IGSF10: variants seen among roughly 807,000 people sequenced by gnomAD.
IGSF10 encodes calvaria mechanical force protein 608.
Under a neutral mutation model 128.2 loss-of-function variants are expected in IGSF10, and 126 were observed. That is an observed-to-expected ratio of 0.98 (90% CI 0.85 to 1.14). IGSF10 has a LOEUF of 1.14. Ranked by LOEUF, IGSF10 falls within the 50% of genes most tolerant of loss-of-function variation. The probability of loss-of-function intolerance (pLI) is 0.00; values close to 1 mark genes in which losing one functional copy is unlikely to be tolerated. For synonymous variants in IGSF10, 1,185 were observed against 1,146.2 expected, an observed-to-expected ratio of 1.03 and a Z score of -0.68; for missense variants, 3,295 against 3,149.8, an observed-to-expected ratio of 1.05 and a Z score of -1.10.
the IGSF10 span, among the ~76,000 whole-genome samples, chr3:151,536,987 G>A: frequency 6.6e-6 from 1 of 152,170 alleles, no homozygotes; most frequent in Non-Finnish European, 1.5e-5. Context: ...CCCAATAAGA[G>A]TGAGATCCCC....
At chr3:151,567,886 C>G in the IGSF10 span, among the ~76,000 whole-genome samples, 9 of 152,320 alleles carry the variant, frequency 5.9e-5, no homozygotes, top group East Asian at 1.7e-3. Flanking sequence ...AGCGACTTCC[C>G]TGCATTGCTG....
chr3:151,501,411 G>C, the IGSF10 span, among the ~76,000 whole-genome samples: 2 of 151,476 alleles, frequency 1.3e-5, no homozygotes, highest in Non-Finnish European at 2.9e-5. Flanking sequence ...ATTAGAAAAA[G>C]GACAATATAT....
In IGSF10 at chr3:151,447,881, T is replaced by C; in HGVS notation, c.2100A>G (p.Thr700=). 6.2e-7 allele frequency: 1 copy of C among 1,614,096 alleles called. No individual in the cohort carries two copies. The highest frequency in any genetic ancestry group is 8.5e-7 in the Non-Finnish European group (1 of 1,180,008). The change falls in exon 6 of 8, where the codon ACA becomes ACG. Residue 700 remains threonine (T), a synonymous_variant. Transcript: ENST00000282466. ...CAACCTCAGCCTCCATCAGAGCAGA[T>C]GTACGGAGTTGTGCACCTGGTGGCT... ...LKEPPGAQLR[T]SALMEAEVGK... is the part of the protein sequence containing the mutation.
At chr3:151,479,477 T>C in the IGSF10 span, among the ~76,000 whole-genome samples, 1 of 152,210 alleles carries the variant, frequency 6.6e-6, no homozygotes, top group Non-Finnish European at 1.5e-5. Context: ...TGATGGACAA[T>C]GAACAGTGAG....
the IGSF10 span, among the ~76,000 whole-genome samples, chr3:151,517,237 C>T: frequency 6.3e-4 from 96 of 152,092 alleles, no homozygotes; most frequent in African/African-American, 2.2e-3. Context: ...CAGCTGCTAG[C>T]CCTTCTTGTT....
At chr3:151,534,928 C>G in the IGSF10 span, among the ~76,000 whole-genome samples, 172 of 151,784 alleles carry the variant, frequency 1.1e-3, no homozygotes, top group Non-Finnish European at 2.1e-3. Flanking sequence ...TGTTCTGTCA[C>G]AGTAGTTACA....
chr3:151,565,620 TG>T, the IGSF10 span, among the ~76,000 whole-genome samples: 1 of 152,086 alleles, frequency 6.6e-6, no homozygotes, highest in Non-Finnish European at 1.5e-5. Context: ...CAGACTCACC[TG>T]GGGGAAGTTA....
At chr3:151,459,044 T>C (rs896869795) in intron 2 of IGSF10, among the ~76,000 whole-genome samples, 2 of 152,228 alleles carry the variant, frequency 1.3e-5, no homozygotes, top group Non-Finnish European at 2.9e-5. Context: ...CTAAAATATA[T>C]AGAATTTAGT....
the IGSF10 span, among the ~76,000 whole-genome samples, chr3:151,609,906 T>G: frequency 2.0e-5 from 3 of 152,240 alleles, no homozygotes; most frequent in South Asian, 6.2e-4. Flanking sequence ...ACCTGGGTAA[T>G]GGAATCAATC....
In IGSF10 at chr3:151,441,993, G is replaced by A. The variant is rs1324300513; in HGVS notation, c.5963+991C>T. ...GGAGAATGGCGTGAACCTGGGAGGC[G>A]GAGCTTGCAGTGAGCAGAGATCCTG... is the stretch of plus-strand genomic sequence containing the variant. On this transcript the variant is annotated intron_variant, in intron 7 of 7. Coordinates refer to ENST00000282466, the MANE Select transcript of IGSF10 (RefSeq NM_178822.5). 3.3e-5 allele frequency among the ~76,000 whole-genome samples: 5 copies of A among 152,190 alleles called. No homozygotes were observed. In the South Asian group the frequency reaches 6.2e-4, roughly 19 times the overall value.
chr3:151,548,821 CT>C, the IGSF10 span, among the ~76,000 whole-genome samples: 5 of 151,724 alleles, frequency 3.3e-5, no homozygotes, highest in Non-Finnish European at 5.9e-5. Context: ...ATTTCTTCTT[CT>C]TTTTTTCTTT....
In IGSF10 at chr3:151,447,149, T is replaced by TA. The variant is rs1434294786; in HGVS notation, c.2831dup (p.Leu944PhefsTer10). 1 of 1,614,200 alleles carries TA rather than the reference T, an allele frequency of 6.2e-7. No homozygotes were observed. The highest frequency in any genetic ancestry group is 2.2e-5 in the East Asian group (1 of 44,880). ...TATTTGTGGTATTTACTGACTCTAATAATAGTTTGTTGGTGGTGCTACTAA... is the reference window on the plus strand; with the variant it reads ...TATTTGTGGTATTTACTGACTCTAATAAATAGTTTGTTGGTGGTGCTACTAA... On this transcript the variant is annotated frameshift_variant, in exon 6 of 8. Transcript: ENST00000282466. LOFTEE classifies it high-confidence loss of function.
chr3:151,551,722 G>T, the IGSF10 span, among the ~76,000 whole-genome samples: 2 of 150,600 alleles, frequency 1.3e-5, no homozygotes, highest in Admixed American at 6.6e-5. Context: ...TATTTGTTGA[G>T]GTTTCAATTT....
chr3:151,511,118 A>C, the IGSF10 span, among the ~76,000 whole-genome samples: 1 of 152,150 alleles, frequency 6.6e-6, no homozygotes, highest in Non-Finnish European at 1.5e-5. Flanking sequence ...AGAGAACGCC[A>C]CAAAGATACT....
chr3:151,539,176 G>A, the IGSF10 span, among the ~76,000 whole-genome samples: 8 of 152,014 alleles, frequency 5.3e-5, no homozygotes, highest in South Asian at 6.2e-4. Flanking sequence ...TTTTTCCAGC[G>A]GAGTCCACAT....
chr3:151,463,542 T>TTG (rs1722157736), upstream of IGSF10, among the ~76,000 whole-genome samples: 6 of 113,108 alleles, frequency 5.3e-5, no homozygotes, highest in East Asian at 3.6e-4. Context: ...TTTTTTTTTT[T>TTG]TTTTTTTTTT....
At chr3:151,441,750 A>G (rs191369410) in intron 7 of IGSF10, among the ~76,000 whole-genome samples, 167 of 152,334 alleles carry the variant, frequency 1.1e-3, no homozygotes, top group African/African-American at 3.5e-3. Context: ...TATAATTTAT[A>G]TAGAAAGCCA....
chr3:151,534,170 A>AGG, the IGSF10 span, among the ~76,000 whole-genome samples: 8 of 151,894 alleles, frequency 5.3e-5, no homozygotes, highest in East Asian at 1.9e-4. Flanking sequence ...GATGCTGGAG[A>AGG]AGTGGAGAAA....
At chr3:151,533,575 T>C in the IGSF10 span, among the ~76,000 whole-genome samples, 2 of 152,188 alleles carry the variant, frequency 1.3e-5, no homozygotes, top group Non-Finnish European at 2.9e-5. Context: ...ATTTCATAAA[T>C]GGTGTTGGGA....
Sources: allele counts gnomAD v4.1 joint callset (sites outside exome capture counted in the v4.1 genomes callset), GRCh38; gene constraint gnomAD v4.1.1; transcripts MANE v1.5; gene names NCBI Gene and HGNC (gene_info 2026-07-23, HGNC 2026-07-21).